The following GOLIM4 variants were observed in gnomAD, a reference collection of about 807,000 sequenced individuals.
The protein encoded by GOLIM4 is golgi integral membrane protein 4.
Under a neutral mutation model 107.4 loss-of-function variants are expected in GOLIM4, and 71 were observed. The ratio of observed to expected loss-of-function variants is 0.66; its 90% CI spans 0.55 to 0.81. The LOEUF (loss-of-function observed/expected upper bound fraction) is 0.81, where lower values mean the gene tolerates loss of function less well. GOLIM4 is among the 30% of genes least tolerant of loss of function. The pLI is 0.00. For missense variants in GOLIM4, 830 were observed against 826.1 expected (o/e 1.00, Z -0.06); for synonymous variants, 327 against 294.8 (o/e 1.11, Z -1.12).
At chr3:168,052,375 T>C (rs1032492721) in intron 1 of GOLIM4, among the ~76,000 whole-genome samples, 4 of 151,520 alleles carry the variant, frequency 2.6e-5, no homozygotes, top group African/African-American at 9.7e-5. Context: ...TATATACACA[T>C]ACACACACTC....
At chr3:168,029,169 A>G in intron 11 of GOLIM4, 54 bp downstream of exon 11, 1 of 1,126,506 alleles carries the variant, frequency 8.9e-7, no homozygotes, top group South Asian at 1.3e-5. Context: ...CTGATAATAT[A>G]CAATGTTATC....
rs957999119 is a variant in GOLIM4 at position 168,067,403 on chromosome 3, T to C, written c.188-19038A>G. ...AGGCAAACAAAAAATAGAGAGGTTA[T>C]TAGCTTTTCCTCAGGGGCCACCAAA... is the stretch of plus-strand genomic sequence containing the variant. On this transcript the variant is annotated intron_variant, in intron 1 of 15. Coordinates refer to ENST00000470487, the MANE Select transcript of GOLIM4 (RefSeq NM_014498.5). Among the ~76,000 whole-genome samples the C allele has an allele frequency of 2.0e-5, 3 of 151,598 alleles. No individual in the cohort carries two copies. In the South Asian group the frequency reaches 6.2e-4, roughly 32 times the overall value.
chr3:168,010,736 G>C lies in GOLIM4; in HGVS notation c.1941+7C>G. On this transcript the variant is annotated splice_region_variant and intron_variant, in intron 15 of 15. Transcript: ENST00000470487. ...GTGCTCAATAGAAATATGTATCCCGGTCATACATTTTCATCATTTTCACCA... is the reference window on the plus strand; with the variant it reads ...GTGCTCAATAGAAATATGTATCCCGCTCATACATTTTCATCATTTTCACCA... 6.3e-7 allele frequency: 1 copy of C among 1,583,398 alleles called. No homozygotes were observed. The highest frequency in any genetic ancestry group is 2.2e-5 in the East Asian group (1 of 44,716).
At position 168,095,175 on chromosome 3, in the gene GOLIM4, C is replaced by A; in HGVS notation, c.111G>T (p.Gln37His). 6.2e-7 allele frequency: 1 copy of A among 1,613,008 alleles called. No homozygotes were observed. Among genetic ancestry groups the A allele is most frequent in the Non-Finnish European group, 8.5e-7 (1 of 1,179,238 alleles). The stretch of plus-strand genomic sequence containing the variant: ...CCGCCTCGGCTTTCCGCAGCTGCGT[C>A]TGCAGCTCGTAGTAGAGCATCGCGC... ...LYGAMLYYELQTQLRKAEAVA... is the reference protein window; with the variant it reads ...LYGAMLYYELHTQLRKAEAVA... The change falls in exon 1 of 16, where the codon CAG becomes CAT. Residue 37 changes from glutamine to histidine, a missense_variant. By Grantham distance (24) the Gln-to-His change is conservative. Coordinates refer to ENST00000470487, the MANE Select transcript of GOLIM4 (RefSeq NM_014498.5).
intron 1 of GOLIM4, among the ~76,000 whole-genome samples, chr3:168,053,839 C>G (rs1719784713): frequency 6.6e-6 from 1 of 152,126 alleles, no homozygotes; most frequent in South Asian, 2.1e-4. Context: ...ATAATTTTAC[C>G]TTACAAGAAG....
chr3:168,051,874 A>G (rs73878625), intron 1 of GOLIM4, among the ~76,000 whole-genome samples: 2,447 of 152,282 alleles, frequency 0.016, 56 homozygotes, highest in African/African-American at 0.055. Context: ...GGCTCAAGAA[A>G]AGAATAAAGG....
chr3:168,043,580 G>A, intron 4 of GOLIM4, 51 bp from the exon 5 acceptor site: 3 of 1,470,964 alleles, frequency 2.0e-6, no homozygotes, highest in Non-Finnish European at 2.8e-6. Flanking sequence ...AATTATATGA[G>A]AGTCTATTTC....
chr3:168,081,475 T>C (rs1240483336), intron 1 of GOLIM4, among the ~76,000 whole-genome samples: 2 of 152,016 alleles, frequency 1.3e-5, no homozygotes, highest in Non-Finnish European at 2.9e-5. Context: ...TAAAAAAAGG[T>C]AGAGTGCCCT....
chr3:168,035,767 T>C (rs1718613073), intron 8 of GOLIM4, among the ~76,000 whole-genome samples: 1 of 152,140 alleles, frequency 6.6e-6, no homozygotes, highest in African/African-American at 2.4e-5. Flanking sequence ...AACTTGCTCA[T>C]GTACCCCTGA....
chr3:168,070,163 G>A (rs1720762173), intron 1 of GOLIM4, among the ~76,000 whole-genome samples: 1 of 152,202 alleles, frequency 6.6e-6, no homozygotes. Flanking sequence ...GGAGGCCTAG[G>A]TGGGCGGATC....
chr3:168,072,468 C>T (rs1720882641), intron 1 of GOLIM4, among the ~76,000 whole-genome samples: 1 of 150,834 alleles, frequency 6.6e-6, no homozygotes, highest in Admixed American at 6.6e-5. Context: ...CATTCTGACT[C>T]CAAAGCCAAC....
At position 168,032,760 on chromosome 3, in the gene GOLIM4, T is replaced by G; in HGVS notation, c.936A>C (p.Ala312=). ...TTGGCTCTGGGGGAGCCTGAAATTC[T>G]GCCTCCTTATGGGTGGGAGCATAGA... ...TKLYAPTHKE[A]EFQAPPEPIQ... The change falls in exon 9 of 16, where the codon GCA becomes GCC. Residue 312 remains alanine, a synonymous_variant. Transcript: ENST00000470487. 6.2e-7 allele frequency: 1 copy of G among 1,614,018 alleles called. No individual in the cohort carries two copies. Among genetic ancestry groups the G allele is most frequent in the South Asian group, 1.1e-5 (1 of 91,072 alleles).
chr3:168,074,910 G>C (rs1464336360), intron 1 of GOLIM4, among the ~76,000 whole-genome samples: 1 of 152,194 alleles, frequency 6.6e-6, no homozygotes, highest in Admixed American at 6.5e-5. Flanking sequence ...CCCAGACAGA[G>C]AGGAAATTAG....
intron 1 of GOLIM4, among the ~76,000 whole-genome samples, chr3:168,074,008 T>G (rs1720954483): frequency 6.6e-6 from 1 of 152,202 alleles, no homozygotes; most frequent in Non-Finnish European, 1.5e-5. Context: ...TAAAAAAGTC[T>G]GTGGCTTCCA....
At chr3:168,085,295 A>G (rs1721563485) in intron 1 of GOLIM4, among the ~76,000 whole-genome samples, 1 of 152,204 alleles carries the variant, frequency 6.6e-6, no homozygotes. Flanking sequence ...ATCAAAAGTG[A>G]TATCTCAGAG....
chr3:168,014,583 C>CA (rs1339914712), intron 14 of GOLIM4, among the ~76,000 whole-genome samples: 7 of 128,096 alleles, frequency 5.5e-5, no homozygotes, highest in South Asian at 2.2e-4. Context: ...AGAGACACAA[C>CA]AAAAAAAAAG....
chr3:168,072,999 C>T (rs957665244), intron 1 of GOLIM4, among the ~76,000 whole-genome samples: 1 of 152,142 alleles, frequency 6.6e-6, no homozygotes, highest in Non-Finnish European at 1.5e-5. Context: ...ATAATACTTA[C>T]GTAGACCAGG....
In GOLIM4 at chr3:168,024,983, T is replaced by A; in HGVS notation, c.1736A>T (p.Glu579Val). The A allele has an allele frequency of 6.2e-7, 1 of 1,614,116 alleles. No individual in the cohort carries two copies. The highest frequency in any genetic ancestry group is 2.2e-5 in the East Asian group (1 of 44,880). ...TTGCTTTTGATTACTTTGTTTTTGC[T>A]CTTCATTTTCATCTGGCAAATTTTC... ...REENLPDENE[E>V]QKQSNQKQEN... Residue 579 changes from glutamate (E) to valine (V), a missense_variant, in exon 13 of 16, where the codon GAG (glutamate) becomes GTG (valine). Physicochemically the swap from Glu to Val is moderately radical, Grantham distance 121. Transcript: ENST00000470487.
At chr3:168,010,690 T>G (rs1716954773) in intron 15 of GOLIM4, 53 bp downstream of exon 15, 1 of 1,273,108 alleles carries the variant, frequency 7.9e-7, no homozygotes, top group Admixed American at 1.7e-5. Context: ...CCTATACACA[T>G]GCACACCCAC....
Sources: gnomAD v4.1 joint callset for allele counts (sites outside exome capture counted in the v4.1 genomes callset) on GRCh38, gnomAD v4.1.1 for gene constraint, MANE v1.5 for transcripts, NCBI Gene and HGNC (gene_info 2026-07-23, HGNC 2026-07-21) for gene names.